SENP6: variants seen among roughly 807,000 people sequenced by gnomAD.
SENP6 encodes the protein sentrin-specific protease 6.
Under a neutral mutation model 134.5 loss-of-function variants are expected in SENP6, and 41 were observed. The ratio of observed to expected loss-of-function variants is 0.30; its 90% confidence interval spans 0.24 to 0.40. SENP6 has a LOEUF of 0.40. Among genes scored for constraint, SENP6 ranks in the 10% least tolerant of loss-of-function variants. SENP6 has a pLI of 1.00. For synonymous variants in SENP6, 395 were observed against 429.8 expected (o/e 0.92, Z 1.00); for missense variants, 1,248 against 1,312.5 (o/e 0.95, Z 0.76).
rs758705918 is a variant in SENP6 at position 75,677,012 on chromosome 6, A to G, written c.1622-18A>G. ...TTCTTTTGTGTTTTTTTTTGGACTTATATTTATTTCTTTTCAGATTTAGAA... is the reference window on the plus strand; with the variant it reads ...TTCTTTTGTGTTTTTTTTTGGACTTGTATTTATTTCTTTTCAGATTTAGAA... On this transcript the variant is annotated intron_variant, in intron 13 of 23. Coordinates refer to ENST00000447266, the MANE Select transcript of SENP6 (RefSeq NM_015571.4). 9.1e-6 allele frequency: 11 copies of G among 1,210,050 alleles called. No homozygotes were observed. In the East Asian group the frequency reaches 2.0e-4, roughly 22 times the overall value. 75.0% of individuals were successfully genotyped at this position (1,210,050 alleles called of 1,614,324 possible).
chr6:75,692,296 A>C (rs1774333725), intron 16 of SENP6, among the ~76,000 whole-genome samples: 1 of 152,208 alleles, frequency 6.6e-6, no homozygotes, highest in Admixed American at 6.5e-5. Flanking sequence ...TTATGGGTGC[A>C]TATCAGAAAA....
At chr6:75,610,102 A>C (rs1275338688) in intron 1 of SENP6, among the ~76,000 whole-genome samples, 1 of 152,074 alleles carries the variant, frequency 6.6e-6, no homozygotes, top group Non-Finnish European at 1.5e-5. Flanking sequence ...TTTAACTTCT[A>C]GTTGATTGGG....
intron 3 of SENP6, among the ~76,000 whole-genome samples, chr6:75,630,552 C>T (rs1051146997): frequency 3.3e-5 from 5 of 152,126 alleles, no homozygotes; most frequent in African/African-American, 1.2e-4. Flanking sequence ...TTTTTCTTTT[C>T]TCAGGTCCAT....
chr6:75,707,851 T>C (rs1016453847), intron 19 of SENP6, among the ~76,000 whole-genome samples: 1 of 151,854 alleles, frequency 6.6e-6, no homozygotes, highest in Admixed American at 6.6e-5. Flanking sequence ...CCTGGCTGAT[T>C]CTTTATTTTA....
At chr6:75,636,239 A>G (rs1480967876) in intron 5 of SENP6, among the ~76,000 whole-genome samples, 1 of 152,194 alleles carries the variant, frequency 6.6e-6, no homozygotes, top group African/African-American at 2.4e-5. Flanking sequence ...TGTATTTAAG[A>G]AATAATCCTA....
intron 18 of SENP6, among the ~76,000 whole-genome samples, chr6:75,701,470 A>G (rs987622452): frequency 1.3e-5 from 2 of 152,180 alleles, no homozygotes; most frequent in East Asian, 1.9e-4. Flanking sequence ...TTAAATTTCA[A>G]TATAGCATGA....
In SENP6 at chr6:75,678,709, A is replaced by G. The variant is rs1562040953; in HGVS notation, c.1958+17A>G. On this transcript the variant is annotated intron_variant, in intron 15 of 23. Transcript: ENST00000447266. Reference sequence around the variant, plus strand: ...AGTAGAAAAGTGAGAGAATTCCTTTATATTTGCAATGATCTTAAATGTCTT... The same window carrying G: ...AGTAGAAAAGTGAGAGAATTCCTTTGTATTTGCAATGATCTTAAATGTCTT... The G allele has an allele frequency of 7.0e-7, 1 of 1,432,724 alleles. No homozygotes were observed. The highest frequency in any genetic ancestry group is 9.8e-7 in the Non-Finnish European group (1 of 1,018,966). The allele number at this position is 1,432,724 out of a possible 1,614,324, so 88.8% of individuals were successfully genotyped here.
chr6:75,695,738 A>G, intron 16 of SENP6, 66 bp from the exon 17 acceptor site: 1 of 1,376,718 alleles, frequency 7.3e-7, no homozygotes, highest in East Asian at 2.5e-5. Context: ...CTCTGTCTCA[A>G]AAAAATAGAA....
chr6:75,651,213 A>G (rs905828593), intron 7 of SENP6, among the ~76,000 whole-genome samples: 1 of 151,632 alleles, frequency 6.6e-6, no homozygotes, highest in Middle Eastern at 3.2e-3. Context: ...CTTTTTTTTC[A>G]GCCTGTTTTT....
In SENP6 at chr6:75,634,595, T is replaced by C; in HGVS notation, c.354-112T>C. 4 of 548,780 alleles carry C rather than the reference T, an allele frequency of 7.3e-6. No homozygotes were observed. The South Asian group carries it at 1.2e-4, about 16-fold the overall frequency. 34.0% of individuals were successfully genotyped at this position (548,780 alleles called of 1,614,324 possible). On this transcript the variant is annotated intron_variant, in intron 4 of 23. Coordinates refer to ENST00000447266, the MANE Select transcript of SENP6 (RefSeq NM_015571.4). ...ATTGGGTTTATCCATAAATTTTTTG[T>C]TGTTGTTGGTAAAGGTTTTTGTGTG...
intron 5 of SENP6, 143 bp from the exon 6 acceptor site, chr6:75,640,538 CATA>C (rs1225062634): frequency 2.9e-6 from 1 of 347,460 alleles, no homozygotes; most frequent in Non-Finnish European, 5.3e-6. Flanking sequence ...TGACTCAAAA[CATA>C]GTATATTATA....
intron 10 of SENP6, 81 bp downstream of exon 10, chr6:75,667,022 T>A: frequency 3.9e-6 from 3 of 768,382 alleles, no homozygotes; most frequent in Middle Eastern, 2.4e-4. Flanking sequence ...GGCAGTTTGG[T>A]AGTGCCAAGA....
chr6:75,611,937 C>G (rs1767480822), intron 1 of SENP6: 1 of 152,196 alleles, frequency 6.6e-6, no homozygotes, highest in African/African-American at 2.4e-5. Flanking sequence ...GTTTTGGTAG[C>G]TCACAGAGGG....
chr6:75,681,817 C>T (rs186478953), intron 16 of SENP6, among the ~76,000 whole-genome samples: 48 of 151,938 alleles, frequency 3.2e-4, no homozygotes, highest in African/African-American at 1.0e-3. Context: ...TCACTTGAGG[C>T]CAGGAGTTTG....
At chr6:75,652,690 A>AAAAAAAAAG (rs1554166640) in intron 7 of SENP6, among the ~76,000 whole-genome samples, 1 of 149,542 alleles carries the variant, frequency 6.7e-6, no homozygotes, top group African/African-American at 2.5e-5. Context: ...TCTCAAAAAA[A>AAAAAAAAAG]AAAAAAAAAA....
intron 10 of SENP6, among the ~76,000 whole-genome samples, chr6:75,668,724 T>A (rs529669357): frequency 2.6e-5 from 4 of 152,350 alleles, no homozygotes; most frequent in African/African-American, 7.2e-5. Flanking sequence ...AATAGTTTGC[T>A]ATCGCAAGAG....
chr6:75,652,340 C>CT (rs1015629617), intron 7 of SENP6, among the ~76,000 whole-genome samples: 7 of 150,682 alleles, frequency 4.6e-5, no homozygotes, highest in African/African-American at 9.7e-5. Flanking sequence ...TTTCTATAAT[C>CT]TTTTTTTTTA....
chr6:75,697,517 CGTGA>C lies in SENP6; in HGVS notation c.2288+3_2288+6del, dbSNP rs1200173664. 1 of 1,597,280 alleles carries C rather than the reference CGTGA, an allele frequency of 6.3e-7. No homozygotes were observed. Among genetic ancestry groups the C allele is most frequent in the Non-Finnish European group, 8.6e-7 (1 of 1,168,850 alleles). On this transcript the variant is annotated splice_donor_variant and splice_donor_region_variant and intron_variant, in intron 18 of 23. Coordinates refer to ENST00000447266, the MANE Select transcript of SENP6 (RefSeq NM_015571.4). LOFTEE classifies it high-confidence loss of function. ...TTTATTTTTGTACCCCTTAATGAAG[CGTGA>C]GTAAGAATTTCCTTTAAAGGAAAAT...
rs1219619152 is a variant in SENP6 at position 75,670,702 on chromosome 6, G to T, written c.1374G>T (p.Leu458=). 8 of 1,607,238 alleles carry T rather than the reference G, an allele frequency of 5.0e-6. No individual in the cohort carries two copies. In the Admixed American group the frequency reaches 1.3e-4, roughly 27 times the overall value. The part of the protein sequence containing the change: ...RSIRVGTLFR[L]LIEPVIFCLD... ...TACGAGTAGGAACACTCTTCCGGCTGTTAATAGAGCCTGTAATTGTAAGTA... is the reference window on the plus strand; with the variant it reads ...TACGAGTAGGAACACTCTTCCGGCTTTTAATAGAGCCTGTAATTGTAAGTA... The change falls in exon 11 of 24, where the codon CTG becomes CTT. Residue 458 remains leucine (L), a synonymous_variant. Transcript: ENST00000447266.
Sources: gnomAD v4.1 joint callset for allele counts (sites outside exome capture counted in the v4.1 genomes callset) on GRCh38, gnomAD v4.1.1 for gene constraint, MANE v1.5 for transcripts, NCBI Gene and HGNC (gene_info 2026-07-23, HGNC 2026-07-21) for gene names.